Variants in SEC23IP observed in about 807,000 individuals in gnomAD.
The protein encoded by SEC23IP is SEC23-interacting protein.
In SEC23IP, 70 loss-of-function variants were observed where a neutral mutation model predicts 113.4. The observed-to-expected ratio is 0.62, with a 90% CI of 0.51 to 0.75. The LOEUF (loss-of-function observed/expected upper bound fraction) is 0.75. SEC23IP is among the 30% of genes least tolerant of loss of function. SEC23IP has a pLI of 0.00. For synonymous variants in SEC23IP, 398 were observed against 421.0 expected, an observed-to-expected ratio of 0.95 and a Z score of 0.67; for missense variants, 1,160 against 1,204.9, an observed-to-expected ratio of 0.96 and a Z score of 0.55.
At chr10:119,913,902 A>G (rs1589834058) in intron 6 of SEC23IP, among the ~76,000 whole-genome samples, 1 of 151,950 alleles carries the variant, frequency 6.6e-6, no homozygotes, top group African/African-American at 2.4e-5. Flanking sequence ...CTGTAATCCC[A>G]GCATTTTGGG....
At chr10:119,911,489 T>C (rs771159260) in intron 5 of SEC23IP, among the ~76,000 whole-genome samples, 3 of 151,958 alleles carry the variant, frequency 2.0e-5, no homozygotes, top group Non-Finnish European at 4.4e-5. Context: ...GTTTAGTTTT[T>C]TTTTGAGACA....
chr10:119,938,626 G>A (rs1010681577), intron 18 of SEC23IP, among the ~76,000 whole-genome samples: 16 of 152,136 alleles, frequency 1.1e-4, no homozygotes, highest in African/African-American at 3.9e-4. Flanking sequence ...GAAGTTCTCA[G>A]TATACCATAG....
At chr10:119,936,725 TTA>T (rs1163706485) in intron 18 of SEC23IP, among the ~76,000 whole-genome samples, 1 of 152,010 alleles carries the variant, frequency 6.6e-6, no homozygotes, top group African/African-American at 2.4e-5. Context: ...CCAGAAATAG[TTA>T]TAATACCGTT....
intron 2 of SEC23IP, 35 bp from the exon 3 acceptor site, chr10:119,902,764 A>G: frequency 6.4e-7 from 1 of 1,567,312 alleles, no homozygotes; most frequent in Non-Finnish European, 8.7e-7. Context: ...TCTTTTGGAC[A>G]AGCATGACAG....
intron 12 of SEC23IP, among the ~76,000 whole-genome samples, chr10:119,924,646 C>G (rs1855364635): frequency 6.6e-6 from 1 of 151,976 alleles, no homozygotes; most frequent in Admixed American, 6.6e-5. Context: ...TTCCTGACCT[C>G]AGATGATTCG....
At position 119,898,814 on chromosome 10, in the gene SEC23IP, G is replaced by A. The variant is rs979017697; in HGVS notation, c.551G>A (p.Arg184His). 8.1e-6 allele frequency: 13 copies of A among 1,613,796 alleles called. No homozygotes were observed. The highest frequency in any genetic ancestry group is 6.7e-5 in the African/African-American group (5 of 74,856). ...CCCCAACCAGGATACAATCCATATC[G>A]CCATACCCCTGGCAGCAGCAGGGCT... ...GIPQPGYNPY[R>H]HTPGSSRANP... is the part of the protein sequence containing the mutation. The change falls in exon 2 of 19, where the codon CGC (arginine) becomes CAC (histidine). Residue 184 changes from arginine (R) to histidine (H), a missense_variant. Arg to His is a conservative substitution (Grantham distance 29). Coordinates refer to ENST00000369075, the MANE Select transcript of SEC23IP (RefSeq NM_007190.4).
chr10:119,904,444 G>T, intron 4 of SEC23IP, 167 bp downstream of exon 4: 1 of 608,834 alleles, frequency 1.6e-6, no homozygotes, highest in Non-Finnish European at 2.9e-6. Flanking sequence ...CTCATGAGGT[G>T]CTAATCGTGG....
rs182344172 is a variant in SEC23IP, at chr10:119,904,510, G to A, written c.1101+233G>A. On this transcript the variant is annotated intron_variant, in intron 4 of 18. Transcript: ENST00000369075. ...CAGAGACACATCACAGATCTAATAA[G>A]GTGCTTGTGTCAAGCCTTCAATAGA... 2.4e-5 allele frequency: 11 copies of A among 461,228 alleles called. No individual in the cohort carries two copies. In the East Asian group the frequency reaches 3.8e-4, roughly 16 times the overall value. The allele number at this position is 461,228 out of a possible 1,614,324, so 28.6% of individuals were successfully genotyped here.
intron 6 of SEC23IP, among the ~76,000 whole-genome samples, chr10:119,912,546 A>G (rs1345440794): frequency 6.6e-6 from 1 of 152,108 alleles, no homozygotes; most frequent in East Asian, 1.9e-4. Context: ...GATGAAATTG[A>G]AGTAAGTATT....
intron 18 of SEC23IP, among the ~76,000 whole-genome samples, chr10:119,934,584 A>C (rs192967419): frequency 6.6e-6 from 1 of 152,380 alleles, no homozygotes. Flanking sequence ...TTTTAAAAAC[A>C]AGTAATGTGT....
At chr10:119,902,458 T>C (rs1184740495) in intron 2 of SEC23IP, among the ~76,000 whole-genome samples, 1 of 152,212 alleles carries the variant, frequency 6.6e-6, no homozygotes. Context: ...ACCTTGTAAT[T>C]GATTTTTTTC....
In SEC23IP at chr10:119,917,920, C is replaced by G. The variant is rs1263506124; in HGVS notation, c.1629C>G (p.Asn543Lys). 6.2e-7 allele frequency: 1 copy of G among 1,613,782 alleles called. No homozygotes were observed. The highest frequency in any genetic ancestry group is 8.5e-7 in the Non-Finnish European group (1 of 1,179,850). The part of the protein sequence containing the change: ...NETLLDILFY[N>K]SPTYCQTIVE... ...CTTTGCTAGATATTTTATTTTATAA[C>G]AGCCCCACCTACTGTCAGACAATTG... Residue 543 changes from asparagine (N) to lysine (K), a missense_variant, in exon 9 of 19, where the codon AAC becomes AAG. Transcript: ENST00000369075.
At chr10:119,934,435 T>A (rs1283221217) in intron 18 of SEC23IP, among the ~76,000 whole-genome samples, 2 of 152,216 alleles carry the variant, frequency 1.3e-5, no homozygotes, top group African/African-American at 4.8e-5. Context: ...GCATTCCCAA[T>A]CTTTATAGAG....
chr10:119,932,682 A>C (rs981305489), intron 16 of SEC23IP, among the ~76,000 whole-genome samples: 2 of 152,240 alleles, frequency 1.3e-5, no homozygotes, highest in Admixed American at 1.3e-4. Context: ...TAACTATGTT[A>C]CAGACTTGAC....
chr10:119,907,765 A>G (rs1854724948), intron 4 of SEC23IP, among the ~76,000 whole-genome samples: 1 of 152,196 alleles, frequency 6.6e-6, no homozygotes, highest in African/African-American at 2.4e-5. Context: ...AGCGTGGCCA[A>G]TATGGTGATA....
At chr10:119,902,288 G>A (rs1254359321) in intron 2 of SEC23IP, among the ~76,000 whole-genome samples, 7 of 152,098 alleles carry the variant, frequency 4.6e-5, no homozygotes, top group Non-Finnish European at 7.4e-5. Context: ...CTCGGGAGAC[G>A]GAGGCTGTGC....
chr10:119,915,762 G>C lies in SEC23IP; in HGVS notation c.1417G>C (p.Val473Leu). 2 of 1,576,694 alleles carry C rather than the reference G, an allele frequency of 1.3e-6. No individual in the cohort carries two copies. Among genetic ancestry groups the C allele is most frequent in the Middle Eastern group, 3.4e-4 (2 of 5,892 alleles). Residue 473 changes from valine to leucine, a missense_variant, in exon 8 of 19, where the codon GTG becomes CTG. Physicochemically the swap from Val to Leu is conservative, Grantham distance 32. Transcript: ENST00000369075. ...TTCTTTTGAAGTGGATGATTTTAGG[G>C]TGGTTTCTCTCAAATTGCTGCGGAC... ...SIIECVDDFR[V>L]VSLKLLRTHF...
At chr10:119,937,624 T>TAA (rs970542628) in intron 18 of SEC23IP, among the ~76,000 whole-genome samples, 2 of 141,092 alleles carry the variant, frequency 1.4e-5, no homozygotes, top group Admixed American at 7.1e-5. Context: ...AGACTCCGTC[T>TAA]AAAAAAAAAA....
intron 3 of SEC23IP, 83 bp from the exon 4 acceptor site, chr10:119,904,001 T>G: frequency 1.4e-6 from 2 of 1,437,190 alleles, no homozygotes; most frequent in South Asian, 1.3e-5. Context: ...ATTACAGGCA[T>G]GAGCCACTGC....
Sources: gnomAD v4.1 joint callset for allele counts (sites outside exome capture counted in the v4.1 genomes callset) on GRCh38, gnomAD v4.1.1 for gene constraint, MANE v1.5 for transcripts, NCBI Gene and HGNC (gene_info 2026-07-23, HGNC 2026-07-21) for gene names.